The following CCSAP variants were observed in gnomAD, a reference collection of about 807,000 sequenced individuals.
CCSAP encodes the protein centriole, cilia and spindle-associated protein.
Under a neutral mutation model 25.9 loss-of-function variants are expected in CCSAP, and 17 were observed. The observed-to-expected ratio is 0.66, with a 90% CI of 0.45 to 0.99. The LOEUF (loss-of-function observed/expected upper bound fraction) is 0.99, where lower values mean the gene tolerates loss of function less well. Ranked by LOEUF, CCSAP falls within the 50% of genes least tolerant of loss-of-function variation. CCSAP has a pLI of 0.00. For missense variants in CCSAP, 339 were observed against 367.8 expected (o/e 0.92, Z 0.64); for synonymous variants, 169 against 157.1 (o/e 1.08, Z -0.57).
At chr1:229,340,378 A>C (rs1475078004) in intron 2 of CCSAP, 2 of 715,738 alleles carry the variant, frequency 2.8e-6, no homozygotes, top group African/African-American at 3.5e-5. Context: ...GGAAACCAAA[A>C]TAATCATGAA....
At position 229,342,218 on chromosome 1, in the gene CCSAP, G is replaced by A; in HGVS notation, c.248C>T (p.Pro83Leu). The A allele has an allele frequency of 8.0e-7, 1 of 1,253,172 alleles. No homozygotes were observed. The highest frequency in any genetic ancestry group is 1.0e-6 in the Non-Finnish European group (1 of 1,001,466). 77.6% of individuals were successfully genotyped at this position (1,253,172 alleles called of 1,614,324 possible). The change falls in exon 2 of 4, where the codon CCG (proline) becomes CTG (leucine). Residue 83 changes from proline to leucine, a missense_variant. Pro to Leu is a moderately conservative substitution (Grantham distance 98). Coordinates refer to ENST00000284617, the MANE Select transcript of CCSAP (RefSeq NM_145257.5). The surrounding 1 kb of genome is among the most constrained non-coding windows in gnomAD (Gnocchi z 7.5). ...CTCCTGGGTCGCCGGCTCTACGGGC[G>A]GCGGGGGCGAGGGCGGGGCGCACCG... ...APRCAPPSPP[P>L]PVEPATQEEA...
At chr1:229,327,581 G>C in intron 2 of CCSAP, 1 of 456,104 alleles carries the variant, frequency 2.2e-6, no homozygotes. Flanking sequence ...TTAAAAATGA[G>C]GGCCCCGGCC....
In CCSAP at chr1:229,342,699, G is replaced by T. The variant is rs1309522345; in HGVS notation, c.-48-186C>A. ...GACCAAGAGCAGAGGCGGGGACCGGGGCTGCTGGGGTCGAGGGGCGCGCCG... is the reference window on the plus strand; with the variant it reads ...GACCAAGAGCAGAGGCGGGGACCGGTGCTGCTGGGGTCGAGGGGCGCGCCG... On this transcript the variant is annotated intron_variant, in intron 1 of 3. Transcript: ENST00000284617. This position sits in a 1 kb window ranked among gnomAD's most constrained non-coding sequence, Gnocchi z 7.5. Among the ~76,000 whole-genome samples the T allele has an allele frequency of 6.6e-6, 1 of 152,064 alleles. No individual in the cohort carries two copies. Among genetic ancestry groups the T allele is most frequent in the East Asian group, 1.9e-4 (1 of 5,158 alleles).
chr1:229,337,832 G>C (rs1658233830), intron 2 of CCSAP, among the ~76,000 whole-genome samples: 1 of 149,824 alleles, frequency 6.7e-6, no homozygotes, highest in Non-Finnish European at 1.5e-5. Flanking sequence ...GCCATTTCAG[G>C]CATTAGTGAT....
chr1:229,342,656 G>C lies in CCSAP; in HGVS notation c.-48-143C>G. The C allele has an allele frequency of 2.7e-6, 1 of 373,668 alleles. No homozygotes were observed. Among genetic ancestry groups the C allele is most frequent in the Non-Finnish European group, 4.7e-6 (1 of 213,428 alleles). The allele number at this position is 373,668 out of a possible 1,614,324, so 23.1% of individuals were successfully genotyped here. ...GCGGGGAGGGGGCGGGGCGGGGGCG[G>C]CCTCACCCGGCGGCCGGGACCAAGA... On this transcript the variant is annotated intron_variant, in intron 1 of 3. Transcript: ENST00000284617. The surrounding 1 kb of genome is among the most constrained non-coding windows in gnomAD (Gnocchi z 7.5).
chr1:229,340,411 A>AT, intron 2 of CCSAP: 1 of 717,124 alleles, frequency 1.4e-6, no homozygotes, highest in Non-Finnish European at 2.6e-6. Flanking sequence ...CTGAGCTGGT[A>AT]AATACAGGCA....
chr1:229,325,297 C>G lies in CCSAP; in HGVS notation c.751G>C (p.Ala251Pro), dbSNP rs375812703. 3.0e-5 allele frequency: 48 copies of G among 1,614,028 alleles called. No homozygotes were observed. The highest frequency in any genetic ancestry group is 3.9e-5 in the Non-Finnish European group (46 of 1,180,020). ...ATCCACGGGTTCTCTGAGGAGGAAG[C>G]CTTCATCTTTCTGTTCTTCTCCACA... ...VDVEKNRKMK[A>P]SSSENPWMTE... Residue 251 changes from alanine to proline, a missense_variant, in exon 4 of 4, where the codon GCT becomes CCT. By Grantham distance (27) the Ala-to-Pro change is conservative. Coordinates refer to ENST00000284617, the MANE Select transcript of CCSAP (RefSeq NM_145257.5).
chr1:229,325,535 C>T, intron 3 of CCSAP, 124 bp from the exon 4 acceptor site: 2 of 769,338 alleles, frequency 2.6e-6, no homozygotes, highest in East Asian at 5.3e-5. Context: ...AGCCCTGCCT[C>T]TCTATATAGT....
Position 229,323,732 on chromosome 1 carries a change from A to G in CCSAP, c.*1503T>C, listed in dbSNP as rs575054965. 1.3e-5 allele frequency: 2 copies of G among 152,354 alleles called. No homozygotes were observed. The highest frequency in any genetic ancestry group is 4.1e-4 in the South Asian group (2 of 4,828). The allele number at this position is 152,354 out of a possible 1,614,324, so 9.4% of individuals were successfully genotyped here. Reference sequence around the variant, plus strand: ...TTTTTTAAGCTCACAATACTTCAGTATGTGTTTTCAAAGCTTAAACAGTTA... The same window carrying G: ...TTTTTTAAGCTCACAATACTTCAGTGTGTGTTTTCAAAGCTTAAACAGTTA... On this transcript the variant is annotated 3_prime_UTR_variant, in exon 4 of 4. Coordinates refer to ENST00000284617, the MANE Select transcript of CCSAP (RefSeq NM_145257.5).
At chr1:229,329,009 C>T (rs1388998986) in intron 2 of CCSAP, among the ~76,000 whole-genome samples, 1 of 152,228 alleles carries the variant, frequency 6.6e-6, no homozygotes, top group African/African-American at 2.4e-5. Context: ...ACTGCTCAAA[C>T]GTTTATCTGA....
In CCSAP at chr1:229,342,726, C is replaced by T. The variant is rs1486281852; in HGVS notation, c.-49+186G>A. Among the ~76,000 whole-genome samples the T allele has an allele frequency of 6.6e-6, 1 of 151,884 alleles. No homozygotes were observed. Among genetic ancestry groups the T allele is most frequent in the East Asian group, 1.9e-4 (1 of 5,160 alleles). Reference sequence around the variant, plus strand: ...CTGCTGGGGTCGAGGGGCGCGCCGCCGAGGAGGGCTGCTCAGTGGGCGGAA... The same window carrying T: ...CTGCTGGGGTCGAGGGGCGCGCCGCTGAGGAGGGCTGCTCAGTGGGCGGAA... On this transcript the variant is annotated intron_variant, in intron 1 of 3. Coordinates refer to ENST00000284617, the MANE Select transcript of CCSAP (RefSeq NM_145257.5). This position sits in a 1 kb window ranked among gnomAD's most constrained non-coding sequence, Gnocchi z 7.5.
At position 229,325,304 on chromosome 1, in the gene CCSAP, C is replaced by T. The variant is rs1277265654; in HGVS notation, c.744G>A (p.Lys248=). The T allele has an allele frequency of 5.6e-6, 9 of 1,614,074 alleles. No homozygotes were observed. The highest frequency in any genetic ancestry group is 7.6e-6 in the Non-Finnish European group (9 of 1,180,046). The change falls in exon 4 of 4, where the codon AAG becomes AAA. Residue 248 remains lysine, a synonymous_variant. Coordinates refer to ENST00000284617, the MANE Select transcript of CCSAP (RefSeq NM_145257.5). ...AHSVDVEKNR[K]MKASSSENPW... ...GGTTCTCTGAGGAGGAAGCCTTCAT[C>T]TTTCTGTTCTTCTCCACATCCACAG...
At chr1:229,338,552 C>G (rs557481651) in intron 2 of CCSAP, among the ~76,000 whole-genome samples, 4 of 151,728 alleles carry the variant, frequency 2.6e-5, no homozygotes, top group Non-Finnish European at 5.9e-5. Context: ...CACACACACA[C>G]ACACACACAC....
At chr1:229,327,654 GGT>G in intron 2 of CCSAP, 1 of 451,588 alleles carries the variant, frequency 2.2e-6, no homozygotes, top group Non-Finnish European at 4.4e-6. Flanking sequence ...CGGATCACGA[GGT>G]CAGGAGATCG....
intron 2 of CCSAP, among the ~76,000 whole-genome samples, chr1:229,330,493 T>C (rs572047587): frequency 1.3e-5 from 2 of 151,956 alleles, no homozygotes; most frequent in East Asian, 1.9e-4. Context: ...AGAGGAAGGG[T>C]AGCAAAAGAG....
Position 229,323,090 on chromosome 1 carries a change from C to T in CCSAP, c.*2145G>A, listed in dbSNP as rs545017574. The T allele has an allele frequency of 7.9e-5, 12 of 152,134 alleles. No homozygotes were observed. Among genetic ancestry groups the T allele is most frequent in the Non-Finnish European group, 1.5e-4 (10 of 67,984 alleles). 9.4% of individuals were successfully genotyped at this position (152,134 alleles called of 1,614,324 possible). On this transcript the variant is annotated 3_prime_UTR_variant, in exon 4 of 4. Coordinates refer to ENST00000284617, the MANE Select transcript of CCSAP (RefSeq NM_145257.5). ...TCTTTAAAAAAGAAAGAAAAGAAAC[C>T]CTAACCAACTAAGGACTTGGATGTA...
In CCSAP at chr1:229,342,213, C is replaced by A. The variant is rs1003880723; in HGVS notation, c.253G>T (p.Val85Leu). The stretch of plus-strand genomic sequence containing the variant: ...GCCTCCTCCTGGGTCGCCGGCTCTA[C>A]GGGCGGCGGGGGCGAGGGCGGGGCG... ...RCAPPSPPPP[V>L]EPATQEEAER... Residue 85 changes from valine (V) to leucine (L), a missense_variant, in exon 2 of 4, where the codon GTA (valine) becomes TTA (leucine). Coordinates refer to ENST00000284617, the MANE Select transcript of CCSAP (RefSeq NM_145257.5). This position sits in a 1 kb window ranked among gnomAD's most constrained non-coding sequence, Gnocchi z 7.5. The A allele has an allele frequency of 4.8e-6, 6 of 1,252,590 alleles. 1 individual carries two copies. The African/African-American group carries it at 6.2e-5, about 13-fold the overall frequency. The allele number at this position is 1,252,590 out of a possible 1,614,324, so 77.6% of individuals were successfully genotyped here.
chr1:229,331,787 TTTATTATTATTATTATTATTA>T (rs139107975), intron 2 of CCSAP, among the ~76,000 whole-genome samples: 6 of 140,634 alleles, frequency 4.3e-5, no homozygotes, highest in African/African-American at 1.0e-4. Context: ...CTAATATCCT[TTTATTATTATTATTATTATTA>T]TTATTATTAT....
chr1:229,329,271 C>T (rs1658012807), intron 2 of CCSAP, among the ~76,000 whole-genome samples: 1 of 152,104 alleles, frequency 6.6e-6, no homozygotes, highest in Non-Finnish European at 1.5e-5. Context: ...CCATAGAAGG[C>T]AATAAGGATT....
Sources: gnomAD v4.1 joint callset for allele counts (sites outside exome capture counted in the v4.1 genomes callset) on GRCh38, gnomAD v4.1.1 for gene constraint, Gnocchi (gnomAD v3.1) non-coding constraint, MANE v1.5 for transcripts, NCBI Gene and HGNC (gene_info 2026-07-23, HGNC 2026-07-21) for gene names.